Variants in NOL4L observed in about 807,000 individuals in gnomAD.
NOL4L encodes nucleolar protein 4-like.
Under a neutral mutation model 64.5 loss-of-function variants are expected in NOL4L, and 7 were observed. That is an observed-to-expected ratio of 0.11 (90% confidence interval 0.06 to 0.20). NOL4L has a LOEUF of 0.20. Ranked by LOEUF, NOL4L falls within the 10% of genes least tolerant of loss-of-function variation. The pLI is 1.00. For missense variants in NOL4L, 680 were observed against 967.1 expected (o/e 0.70, Z 3.94); for synonymous variants, 413 against 401.0 (o/e 1.03, Z -0.36).
At chr20:32,533,766 C>A (rs922826595) in intron 1 of NOL4L, among the ~76,000 whole-genome samples, 5 of 152,218 alleles carry the variant, frequency 3.3e-5, no homozygotes, top group Non-Finnish European at 7.3e-5. Flanking sequence ...TTGGCAGGTC[C>A]TTTCTGGCTT....
Position 32,585,087 on chromosome 20 carries a change from GGGCGGC to G in NOL4L, c.-203_-198del. On this transcript the variant is annotated 5_prime_UTR_variant, in exon 1 of 11. Transcript: ENST00000621426. Reference sequence around the variant, plus strand: ...GGCTGCGGCGCGCTCTGTCCTGCTCGGGCGGCGGCGGCGGCGTTGGCGGCGGCGGCT... The same window carrying G: ...GGCTGCGGCGCGCTCTGTCCTGCTCGGGCGGCGGCGTTGGCGGCGGCGGCT... The G allele has an allele frequency of 6.1e-6, 1 of 164,022 alleles. No homozygotes were observed. The highest frequency in any genetic ancestry group is 1.2e-5 in the Non-Finnish European group (1 of 81,600). 10.2% of individuals were successfully genotyped at this position (164,022 alleles called of 1,614,324 possible).
chr20:32,495,507 G>T (rs1227183123), intron 4 of NOL4L, among the ~76,000 whole-genome samples: 1 of 152,162 alleles, frequency 6.6e-6, no homozygotes, highest in African/African-American at 2.4e-5. Context: ...GCCCAGCATT[G>T]CCAGCAACAT....
chr20:32,554,545 C>T (rs1203999158), intron 1 of NOL4L, among the ~76,000 whole-genome samples: 2 of 152,028 alleles, frequency 1.3e-5, no homozygotes, highest in Non-Finnish European at 2.9e-5. Context: ...GTGGAGCTTT[C>T]CTTCCCAAAT....
chr20:32,474,379 C>T (rs939840444), intron 5 of NOL4L, among the ~76,000 whole-genome samples: 1 of 152,274 alleles, frequency 6.6e-6, no homozygotes, highest in African/African-American at 2.4e-5. Flanking sequence ...GTCCTATGGG[C>T]TCTCTCCCTC....
At chr20:32,535,198 G>T (rs2018477042) in intron 1 of NOL4L, among the ~76,000 whole-genome samples, 1 of 151,174 alleles carries the variant, frequency 6.6e-6, no homozygotes, top group African/African-American at 2.4e-5. Flanking sequence ...TGAAGAGAGG[G>T]TATTGCTTCA....
At position 32,444,597 on chromosome 20, in the gene NOL4L, G is replaced by T. The variant is rs968909302; in HGVS notation, c.*2999C>A. 2 of 152,106 alleles carry T rather than the reference G, an allele frequency of 1.3e-5. No individual in the cohort carries two copies. The highest frequency in any genetic ancestry group is 2.9e-5 in the Non-Finnish European group (2 of 68,032). 9.4% of individuals were successfully genotyped at this position (152,106 alleles called of 1,614,324 possible). A position where few individuals can be genotyped will look rare whatever the true frequency, so the allele number is the denominator to read the frequency against. On this transcript the variant is annotated 3_prime_UTR_variant, in exon 11 of 11. Coordinates refer to ENST00000621426, the MANE Select transcript of NOL4L (RefSeq NM_001256798.2). ...GTGACGGTAAAATGAATTTCAGATG[G>T]GTTACACACACTATCACTTGTCTAC...
intron 5 of NOL4L, among the ~76,000 whole-genome samples, chr20:32,473,945 G>C (rs1465476487): frequency 6.6e-6 from 1 of 152,174 alleles, no homozygotes; most frequent in East Asian, 1.9e-4. Flanking sequence ...AACCACTTGG[G>C]GGAGTCCACG....
At chr20:32,456,888 T>C (rs1285826611) in intron 5 of NOL4L, among the ~76,000 whole-genome samples, 2 of 152,162 alleles carry the variant, frequency 1.3e-5, no homozygotes, top group African/African-American at 4.8e-5. Context: ...GTCTCCTTCC[T>C]CTGCCGGAAG....
intron 1 of NOL4L, among the ~76,000 whole-genome samples, chr20:32,560,280 C>T (rs1270958810): frequency 6.6e-6 from 1 of 152,190 alleles, no homozygotes; most frequent in Admixed American, 6.5e-5. Flanking sequence ...CACCACTAAT[C>T]CTCCCGACAA....
chr20:32,456,065 C>G, intron 6 of NOL4L, 53 bp downstream of exon 6: 1 of 1,447,194 alleles, frequency 6.9e-7, no homozygotes, highest in South Asian at 1.5e-5. Flanking sequence ...TCATTCTCGC[C>G]TCGCGACAGC....
At chr20:32,534,357 C>T (rs2018443197) in intron 1 of NOL4L, among the ~76,000 whole-genome samples, 1 of 152,204 alleles carries the variant, frequency 6.6e-6, no homozygotes, top group South Asian at 2.1e-4. Context: ...GGAAGCAAAT[C>T]TTTGGCTACC....
chr20:32,456,485 T>C, intron 5 of NOL4L, 90 bp from the exon 6 acceptor site: 1 of 1,273,640 alleles, frequency 7.9e-7, no homozygotes, highest in Non-Finnish European at 1.0e-6. Flanking sequence ...GTCCTCCTCA[T>C]GAGTGTCCCT....
At chr20:32,553,555 C>A (rs1222342745) in intron 1 of NOL4L, among the ~76,000 whole-genome samples, 1 of 152,202 alleles carries the variant, frequency 6.6e-6, no homozygotes, top group Non-Finnish European at 1.5e-5. Context: ...GCCCTAGCCC[C>A]ATTCTCTGCT....
chr20:32,555,620 G>A (rs1359828129), intron 1 of NOL4L, among the ~76,000 whole-genome samples: 1 of 152,096 alleles, frequency 6.6e-6, no homozygotes, highest in East Asian at 1.9e-4. Context: ...TTCAAGAGGT[G>A]ACTAAGTTAA....
intron 4 of NOL4L, among the ~76,000 whole-genome samples, chr20:32,488,011 C>T (rs1450947520): frequency 6.6e-6 from 1 of 151,244 alleles, no homozygotes; most frequent in African/African-American, 2.4e-5. Context: ...CTCACTGCAT[C>T]CTCCACCTCC....
chr20:32,522,735 G>A lies in NOL4L; in HGVS notation c.478-1813C>T, dbSNP rs557042356. ...GAGCAAGTGTGCAGGAGGGAAGGGC[G>A]TGTGCTAGGCAGAGCAGAGGGCTGT... On this transcript the variant is annotated intron_variant, in intron 2 of 10. Transcript: ENST00000621426. 4.6e-5 allele frequency among the ~76,000 whole-genome samples: 7 copies of A among 152,226 alleles called. No individual in the cohort carries two copies. The East Asian group carries it at 7.7e-4, about 17-fold the overall frequency.
Position 32,465,522 on chromosome 20 carries a change from C to T in NOL4L, c.841+9079G>A, listed in dbSNP as rs374655840. Among the ~76,000 whole-genome samples, 15 of 152,378 alleles carry T rather than the reference C, an allele frequency of 9.8e-5. No individual in the cohort carries two copies. In the East Asian group the frequency reaches 2.9e-3, roughly 29 times the overall value. On this transcript the variant is annotated intron_variant, in intron 5 of 10. Transcript: ENST00000621426. ...GATGAACTGCCTGTGTGTGGGTGTTCTCCCTGGCCCCGTCCTCCAGGCCAA... is the reference window on the plus strand; with the variant it reads ...GATGAACTGCCTGTGTGTGGGTGTTTTCCCTGGCCCCGTCCTCCAGGCCAA...
intron 6 of NOL4L, among the ~76,000 whole-genome samples, chr20:32,455,768 C>T (rs2013437287): frequency 6.6e-6 from 1 of 152,266 alleles, no homozygotes; most frequent in South Asian, 2.1e-4. Flanking sequence ...GGCCTCGTAC[C>T]TGGCTGTGCC....
intron 4 of NOL4L, among the ~76,000 whole-genome samples, chr20:32,506,361 G>A (rs1441388133): frequency 6.6e-6 from 1 of 151,774 alleles, no homozygotes; most frequent in Non-Finnish European, 1.5e-5. Context: ...CCCAAGCCAG[G>A]CATTTTAAAA....
Sources: gnomAD v4.1 joint callset for allele counts (sites outside exome capture counted in the v4.1 genomes callset) on GRCh38, gnomAD v4.1.1 for gene constraint, MANE v1.5 for transcripts, NCBI Gene and HGNC (gene_info 2026-07-23, HGNC 2026-07-21) for gene names.